ZNF579: variants seen among roughly 807,000 people sequenced by gnomAD.
ZNF579 encodes zinc finger protein 579.
Under a neutral mutation model 5.7 loss-of-function variants are expected in ZNF579, and 3 were observed. The observed-to-expected ratio is 0.53, with a 90% confidence interval of 0.24 to 1.36. The LOEUF (loss-of-function observed/expected upper bound fraction) is 1.36. Ranked by LOEUF, ZNF579 falls within the 40% of genes most tolerant of loss-of-function variation. The pLI is 0.16. For synonymous variants in ZNF579, 454 were observed against 409.0 expected, an observed-to-expected ratio of 1.11 and a Z score of -1.33; for missense variants, 679 against 877.6, an observed-to-expected ratio of 0.77 and a Z score of 2.86.
chr19:55,578,306 C>T lies in ZNF579; in HGVS notation c.1334G>A (p.Arg445His). 3 of 1,294,018 alleles carry T rather than the reference C, an allele frequency of 2.3e-6. No homozygotes were observed. Among genetic ancestry groups the T allele is most frequent in the Non-Finnish European group, 2.0e-6 (2 of 1,024,612 alleles). 80.2% of individuals were successfully genotyped at this position (1,294,018 alleles called of 1,614,324 possible). Residue 445 changes from arginine to histidine, a missense_variant, in exon 2 of 2, where the codon CGC (arginine) becomes CAC (histidine). This residue lies in a region of ZNF579 where 68 missense variants were observed against 154.2 expected (regional missense o/e 0.44). Coordinates refer to ENST00000325421, the MANE Select transcript of ZNF579 (RefSeq NM_152600.3). ...AGGPAPHPCPRCPRRFSRAYS... is the reference protein window; with the variant it reads ...AGGPAPHPCPHCPRRFSRAYS... ...GGCGCGCGAGAAGCGGCGCGGGCAG[C>T]GGGGGCACGGGTGCGGGGCTGGGCC...
At position 55,579,400 on chromosome 19, in the gene ZNF579, G is replaced by C; in HGVS notation, c.240C>G (p.Ala80=). ...GGGAAAGGTGGGCCGGCCGGCGGAA[G>C]GCCTTGGGGCACAGCGGGCAGGCGT... ...RPHACPLCPK[A]FRRPAHLSRH... The change falls in exon 2 of 2, where the codon GCC becomes GCG. Residue 80 remains alanine, a synonymous_variant. Coordinates refer to ENST00000325421, the MANE Select transcript of ZNF579 (RefSeq NM_152600.3). The C allele has an allele frequency of 7.5e-7, 1 of 1,334,506 alleles. No homozygotes were observed. The highest frequency in any genetic ancestry group is 9.6e-7 in the Non-Finnish European group (1 of 1,041,254). The allele number at this position is 1,334,506 out of a possible 1,614,324, so 82.7% of individuals were successfully genotyped here.
Position 55,577,761 on chromosome 19 carries a change from T to C in ZNF579, c.*190A>G. 1 of 1,124,632 alleles carries C rather than the reference T, an allele frequency of 8.9e-7. No homozygotes were observed. Among genetic ancestry groups the C allele is most frequent in the Non-Finnish European group, 1.2e-6 (1 of 817,048 alleles). 69.7% of individuals were successfully genotyped at this position (1,124,632 alleles called of 1,614,324 possible). ...GACACATGTTGGGGTGAGCGGTTCC[T>C]AACCAGCATCAGGGGTTCTGGGGGC... On this transcript the variant is annotated 3_prime_UTR_variant, in exon 2 of 2. Coordinates refer to ENST00000325421, the MANE Select transcript of ZNF579 (RefSeq NM_152600.3).
At position 55,577,974 on chromosome 19, in the gene ZNF579, C is replaced by G; in HGVS notation, c.1666G>C (p.Gly556Arg). The G allele has an allele frequency of 6.3e-7, 1 of 1,595,774 alleles. No homozygotes were observed. Among genetic ancestry groups the G allele is most frequent in the Non-Finnish European group, 8.5e-7 (1 of 1,171,450 alleles). The change falls in exon 2 of 2, where the codon GGG becomes CGG. Residue 556 changes from glycine (G) to arginine (R), a missense_variant. Gly to Arg is a moderately radical substitution (Grantham distance 125). Around this residue, in one of 6 missense-constraint regions of ZNF579, gnomAD observed 116 missense variants for 121.9 expected, o/e 0.95. Coordinates refer to ENST00000325421, the MANE Select transcript of ZNF579 (RefSeq NM_152600.3). ...EEVDSKAHLRGLGGLAS is the reference protein window; with the variant it reads ...EEVDSKAHLRRLGGLAS ...GGTCAGGAGGCCAGGCCCCCCAGCC[C>G]GCGCAGGTGAGCCTTGCTGTCTACC...
intron 1 of ZNF579, 67 bp downstream of exon 1, chr19:55,580,728 G>A (rs1181626533): frequency 6.6e-6 from 1 of 152,472 alleles, no homozygotes; most frequent in East Asian, 1.9e-4. Context: ...GGGCCGGGTC[G>A]AGGCCTTGAG....
intron 1 of ZNF579, 25 bp from the exon 2 acceptor site, chr19:55,579,666 G>A: frequency 1.4e-6 from 2 of 1,414,032 alleles, no homozygotes; most frequent in Admixed American, 3.3e-5. Flanking sequence ...GGGAGAGATG[G>A]GAAGCGGGGC....
rs1979426074 is a variant in ZNF579 at position 55,577,751 on chromosome 19, G to A, written c.*200C>T. ...CCTGCCTTAAGACACATGTTGGGGT[G>A]AGCGGTTCCTAACCAGCATCAGGGG... On this transcript the variant is annotated 3_prime_UTR_variant, in exon 2 of 2. Coordinates refer to ENST00000325421, the MANE Select transcript of ZNF579 (RefSeq NM_152600.3). 1 of 987,176 alleles carries A rather than the reference G, an allele frequency of 1.0e-6. No individual in the cohort carries two copies. Among genetic ancestry groups the A allele is most frequent in the East Asian group, 2.7e-5 (1 of 37,410 alleles). 61.2% of individuals were successfully genotyped at this position (987,176 alleles called of 1,614,324 possible). A position where few individuals can be genotyped will look rare whatever the true frequency, so the allele number is the denominator to read the frequency against.
In ZNF579 at chr19:55,579,547, G is replaced by A. The variant is rs900199570; in HGVS notation, c.93C>T (p.Gly31=). 2.0e-6 allele frequency: 3 copies of A among 1,474,740 alleles called. No homozygotes were observed. Among genetic ancestry groups the A allele is most frequent in the Non-Finnish European group, 2.7e-6 (3 of 1,118,654 alleles). The allele number at this position is 1,474,740 out of a possible 1,614,324, so 91.4% of individuals were successfully genotyped here. A position where few individuals can be genotyped will look rare whatever the true frequency, so the allele number is the denominator to read the frequency against. ...GRGRGRGRGR[G]RGRGGAGAPR... ...GGGCTCCAGCGCCCCCCCTGCCACGGCCACGGCCCCGACCACGGCCTCGGC... is the reference window on the plus strand; with the variant it reads ...GGGCTCCAGCGCCCCCCCTGCCACGACCACGGCCCCGACCACGGCCTCGGC... Residue 31 remains glycine (G), a synonymous_variant, in exon 2 of 2, where the codon GGC becomes GGT. Transcript: ENST00000325421.
chr19:55,576,793 A>T lies in ZNF579; in HGVS notation c.*1158T>A, dbSNP rs1246574619. ...TGTGACTGAGGAACCGAACTTTTAC[A>T]TTTATTTCATCTTAATGTCTTTACA... On this transcript the variant is annotated 3_prime_UTR_variant, in exon 2 of 2. Transcript: ENST00000325421. 1 of 151,986 alleles carries T rather than the reference A, an allele frequency of 6.6e-6. No homozygotes were observed. Among genetic ancestry groups the T allele is most frequent in the East Asian group, 1.9e-4 (1 of 5,198 alleles). The allele number at this position is 151,986 out of a possible 1,614,324, so 9.4% of individuals were successfully genotyped here. A position where few individuals can be genotyped will look rare whatever the true frequency, so the allele number is the denominator to read the frequency against.
rs1218717627 is a variant in ZNF579, at chr19:55,579,138, C to T, written c.502G>A (p.Ala168Thr). 1.9e-5 allele frequency: 29 copies of T among 1,524,990 alleles called. No homozygotes were observed. The highest frequency in any genetic ancestry group is 2.5e-5 in the Non-Finnish European group (28 of 1,141,960). The allele number at this position is 1,524,990 out of a possible 1,614,324, so 94.5% of individuals were successfully genotyped here. Residue 168 changes from alanine to threonine, a missense_variant, in exon 2 of 2, where the codon GCA becomes ACA. Ala to Thr is a moderately conservative substitution (Grantham distance 58, BLOSUM62 0). This residue lies in a region of ZNF579 where 209 missense variants were observed against 223.4 expected (regional missense o/e 0.94). Transcript: ENST00000325421. Reference sequence around the variant, plus strand: ...GCAGGCCACGTCTCAGGCCACGCTGCGACCGCCTCCTCCTCCGTGGCCCCT... The same window carrying T: ...GCAGGCCACGTCTCAGGCCACGCTGTGACCGCCTCCTCCTCCGTGGCCCCT... Reference protein sequence around the residue: ...AAGATEEEAVAAWPETWPAGE... With the variant: ...AAGATEEEAVTAWPETWPAGE...
In ZNF579 at chr19:55,579,562, ACGGCCT is replaced by A. The variant is rs1568509806; in HGVS notation, c.72_77del (p.Arg34_Gly35del). ...CCCTGCCACGGCCACGGCCCCGACC[ACGGCCT>A]CGGCCACGGCCCCGGCCTCGGCCAC... is the stretch of plus-strand genomic sequence containing the variant. On this transcript the variant is annotated inframe_deletion, in exon 2 of 2. Coordinates refer to ENST00000325421, the MANE Select transcript of ZNF579 (RefSeq NM_152600.3). The A allele has an allele frequency of 2.7e-6, 4 of 1,490,536 alleles. No individual in the cohort carries two copies. In the Admixed American group the frequency reaches 6.9e-5, roughly 26 times the overall value. 92.3% of individuals were successfully genotyped at this position (1,490,536 alleles called of 1,614,324 possible).
In ZNF579 at chr19:55,579,350, TG is replaced by T. The variant is rs1342835276; in HGVS notation, c.289del (p.Gln97SerfsTer110). The stretch of plus-strand genomic sequence containing the variant: ...GCAGGCGGCGCAGCGCAGCGGGGGC[TG>T]GGGCCCGTGGCCGCGCAGGTGGCGG... ...LSRHLRGHGP[Q>X]PPLRCAACPR... On this transcript the variant is annotated frameshift_variant, in exon 2 of 2. Transcript: ENST00000325421. LOFTEE classifies it low-confidence loss of function (END_TRUNC). 1 of 1,362,720 alleles carries T rather than the reference TG, an allele frequency of 7.3e-7. No individual in the cohort carries two copies. The highest frequency in any genetic ancestry group is 9.4e-7 in the Non-Finnish European group (1 of 1,060,354). The allele number at this position is 1,362,720 out of a possible 1,614,324, so 84.4% of individuals were successfully genotyped here. A position where few individuals can be genotyped will look rare whatever the true frequency, so the allele number is the denominator to read the frequency against.
In ZNF579 at chr19:55,578,989, C is replaced by T. The variant is rs1164952792; in HGVS notation, c.651G>A (p.Gln217=). The T allele has an allele frequency of 2.0e-6, 3 of 1,535,158 alleles. No individual in the cohort carries two copies. The highest frequency in any genetic ancestry group is 2.5e-5 in the East Asian group (1 of 40,686). ...CCTGGAGCAGGACCTGTTTCTCCTC[C>T]TGCCGCCCGGCCGCCAGCGCCAGCT... ...RAELALAAGR[Q]EEKQVLLQAD... The change falls in exon 2 of 2, where the codon CAG becomes CAA. Residue 217 remains glutamine, a synonymous_variant. Coordinates refer to ENST00000325421, the MANE Select transcript of ZNF579 (RefSeq NM_152600.3).
In ZNF579 at chr19:55,578,314, C is replaced by T; in HGVS notation, c.1326G>A (p.Pro442=). The T allele has an allele frequency of 7.7e-7, 1 of 1,302,596 alleles. No homozygotes were observed. Among genetic ancestry groups the T allele is most frequent in the South Asian group, 1.9e-5 (1 of 51,690 alleles). 80.7% of individuals were successfully genotyped at this position (1,302,596 alleles called of 1,614,324 possible). The part of the protein sequence containing the change: ...QVHAGGPAPH[P]CPRCPRRFSR... The stretch of plus-strand genomic sequence containing the variant: ...AGAAGCGGCGCGGGCAGCGGGGGCA[C>T]GGGTGCGGGGCTGGGCCCCCCGCGT... Residue 442 remains proline (P), a synonymous_variant, in exon 2 of 2, where the codon CCG becomes CCA. Transcript: ENST00000325421.
At position 55,577,591 on chromosome 19, in the gene ZNF579, G is replaced by A. The variant is rs531000608; in HGVS notation, c.*360C>T. 9 of 317,754 alleles carry A rather than the reference G, an allele frequency of 2.8e-5. No individual in the cohort carries two copies. The highest frequency in any genetic ancestry group is 4.7e-5 in the Non-Finnish European group (8 of 170,076). 19.7% of individuals were successfully genotyped at this position (317,754 alleles called of 1,614,324 possible). A position where few individuals can be genotyped will look rare whatever the true frequency, so the allele number is the denominator to read the frequency against. ...GGACAAGGACAGACCTTTGCTCACT[G>A]GGGACCCCCAGGGTCTGGCAGTTCC... On this transcript the variant is annotated 3_prime_UTR_variant, in exon 2 of 2. Coordinates refer to ENST00000325421, the MANE Select transcript of ZNF579 (RefSeq NM_152600.3).
chr19:55,579,590 C>T lies in ZNF579; in HGVS notation c.50G>A (p.Gly17Asp). 2 of 1,494,430 alleles carry T rather than the reference C, an allele frequency of 1.3e-6. No individual in the cohort carries two copies. Among genetic ancestry groups the T allele is most frequent in the African/African-American group, 1.5e-5 (1 of 68,648 alleles). The allele number at this position is 1,494,430 out of a possible 1,614,324, so 92.6% of individuals were successfully genotyped here. A position where few individuals can be genotyped will look rare whatever the true frequency, so the allele number is the denominator to read the frequency against. ...PPAQGSPPHR[G>D]RGRGRGRGRG... ...GCCTCGGCCACGGCCCCGGCCTCGGCCACGGTGAGGTGGGCTGCCCTGGGC... is the reference window on the plus strand; with the variant it reads ...GCCTCGGCCACGGCCCCGGCCTCGGTCACGGTGAGGTGGGCTGCCCTGGGC... Residue 17 changes from glycine to aspartate, a missense_variant, in exon 2 of 2, where the codon GGC (glycine) becomes GAC (aspartate). This residue lies in a region of ZNF579 where 134 missense variants were observed against 208.9 expected (regional missense o/e 0.64). Transcript: ENST00000325421.
At position 55,578,084 on chromosome 19, in the gene ZNF579, T is replaced by C. The variant is rs1380229533; in HGVS notation, c.1556A>G (p.Gln519Arg). 3.2e-6 allele frequency: 5 copies of C among 1,571,934 alleles called. No homozygotes were observed. The highest frequency in any genetic ancestry group is 1.9e-5 in the Admixed American group (1 of 53,024). Residue 519 changes from glutamine (Q) to arginine (R), a missense_variant, in exon 2 of 2, where the codon CAG becomes CGG. This residue lies in a region of ZNF579 where 116 missense variants were observed against 121.9 expected (regional missense o/e 0.95). Transcript: ENST00000325421. Reference protein sequence around the residue: ...EEPPSPGTPPQSPPAPPVFLS... With the variant: ...EEPPSPGTPPRSPPAPPVFLS... ...GAAGACAGGGGGAGCCGGCGGGGACTGGGGTGGGGTCCCCGGAGAGGGCGG... is the reference window on the plus strand; with the variant it reads ...GAAGACAGGGGGAGCCGGCGGGGACCGGGGTGGGGTCCCCGGAGAGGGCGG...
rs866702681 is a variant in ZNF579 at position 55,579,270 on chromosome 19, C to A, written c.370G>T (p.Ala124Ser). Reference sequence around the variant, plus strand: ...ATGGCCAGCTCGACCTCGCCGCCCGCGTGCTCCTGAGCCAGGTGGCGCCTG... The same window carrying A: ...ATGGCCAGCTCGACCTCGCCGCCCGAGTGCTCCTGAGCCAGGTGGCGCCTG... ...QLRRHLAQEHAGGEVELAIER... is the reference protein window; with the variant it reads ...QLRRHLAQEHSGGEVELAIER... Residue 124 changes from alanine to serine, a missense_variant, in exon 2 of 2, where the codon GCG (alanine) becomes TCG (serine). Coordinates refer to ENST00000325421, the MANE Select transcript of ZNF579 (RefSeq NM_152600.3). 6.6e-7 allele frequency: 1 copy of A among 1,516,396 alleles called. No homozygotes were observed. Among genetic ancestry groups the A allele is most frequent in the South Asian group, 1.2e-5 (1 of 82,692 alleles). 93.9% of individuals were successfully genotyped at this position (1,516,396 alleles called of 1,614,324 possible). A position where few individuals can be genotyped will look rare whatever the true frequency, so the allele number is the denominator to read the frequency against.
chr19:55,578,168 A>AGGGGCGGCGGGGGCG lies in ZNF579; in HGVS notation c.1457_1471dup (p.Pro486_Pro490dup), dbSNP rs999710583. 6.6e-7 allele frequency: 1 copy of AGGGGCGGCGGGGGCG among 1,506,316 alleles called. No homozygotes were observed. The highest frequency in any genetic ancestry group is 8.9e-7 in the Non-Finnish European group (1 of 1,127,870). 93.3% of individuals were successfully genotyped at this position (1,506,316 alleles called of 1,614,324 possible). A position where few individuals can be genotyped will look rare whatever the true frequency, so the allele number is the denominator to read the frequency against. On this transcript the variant is annotated inframe_insertion, in exon 2 of 2. Coordinates refer to ENST00000325421, the MANE Select transcript of ZNF579 (RefSeq NM_152600.3). ...CCCTTCTTCCTCCTGCTCGGCCTTC[A>AGGGGCGGCGGGGGCG]GGGGCGGCGGGGGCGGTGGCGGCGA...
Position 55,578,420 on chromosome 19 carries a change from G to A in ZNF579, c.1220C>T (p.Ser407Leu). The A allele has an allele frequency of 2.0e-6, 3 of 1,481,056 alleles. No homozygotes were observed. The highest frequency in any genetic ancestry group is 2.7e-6 in the Non-Finnish European group (3 of 1,125,110). The allele number at this position is 1,481,056 out of a possible 1,614,324, so 91.7% of individuals were successfully genotyped here. A position where few individuals can be genotyped will look rare whatever the true frequency, so the allele number is the denominator to read the frequency against. ...AHLRQHGVTH[S>L]GARPFQCVRC... ...CACGCACTGGAAGGGGCGCGCTCCCGAGTGGGTCACCCCGTGCTGCCGCAG... is the reference window on the plus strand; with the variant it reads ...CACGCACTGGAAGGGGCGCGCTCCCAAGTGGGTCACCCCGTGCTGCCGCAG... Residue 407 changes from serine (S) to leucine (L), a missense_variant, in exon 2 of 2, where the codon TCG becomes TTG. Physicochemically the swap from Ser to Leu is moderately radical, Grantham distance 145 (BLOSUM62 -2). This residue lies in a region of ZNF579 where 68 missense variants were observed against 154.2 expected (regional missense o/e 0.44). Transcript: ENST00000325421.
Sources: gnomAD v4.1 joint callset for allele counts on GRCh38, gnomAD v4.1.1 for gene constraint, gnomAD v4.1.1 regional missense constraint, MANE v1.5 for transcripts, NCBI Gene and HGNC (gene_info 2026-07-23, HGNC 2026-07-21) for gene names.